The following TTC28 variants were observed in gnomAD, a reference collection of about 807,000 sequenced individuals.
TTC28 encodes tetratricopeptide repeat domain 28.
In TTC28, 61 loss-of-function variants were observed where a neutral mutation model predicts 198.0. The observed-to-expected ratio is 0.31, with a 90% CI of 0.25 to 0.38. TTC28 has a LOEUF of 0.38. Among genes scored for constraint, TTC28 ranks in the 10% least tolerant of loss-of-function variants. The pLI, the probability that TTC28 is intolerant of heterozygous loss-of-function variation, is 1.00. For missense variants in TTC28, 2,678 were observed against 3,164.0 expected (o/e 0.85, Z 3.69); for synonymous variants, 1,171 against 1,297.8 (o/e 0.90, Z 2.10).
chr22:28,419,533 C>T (rs1231578081), intron 2 of TTC28, among the ~76,000 whole-genome samples: 1 of 152,146 alleles, frequency 6.6e-6, no homozygotes, highest in African/African-American at 2.4e-5. Flanking sequence ...CAAAAGAGAA[C>T]TTTAGTATTT....
At chr22:28,403,443 G>A (rs935068131) in intron 2 of TTC28, among the ~76,000 whole-genome samples, 73 of 152,252 alleles carry the variant, frequency 4.8e-4, no homozygotes, top group African/African-American at 1.6e-3. Context: ...ATGAACAATT[G>A]CCCTGCACCC....
chr22:28,047,092 C>T (rs1939897021), intron 12 of TTC28, among the ~76,000 whole-genome samples: 1 of 152,096 alleles, frequency 6.6e-6, no homozygotes, highest in Admixed American at 6.5e-5. Context: ...ACAGTGAGTC[C>T]CCATCCCAGC....
chr22:28,613,108 G>C (rs1157153893), intron 2 of TTC28, among the ~76,000 whole-genome samples: 1 of 152,044 alleles, frequency 6.6e-6, no homozygotes, highest in African/African-American at 2.4e-5. Context: ...AAGAAGAAAA[G>C]AGAGAAGAAT....
intron 13 of TTC28, among the ~76,000 whole-genome samples, chr22:28,027,913 A>G (rs917972639): frequency 3.3e-5 from 5 of 152,208 alleles, no homozygotes; most frequent in African/African-American, 1.2e-4. Flanking sequence ...ATGAGGCTGC[A>G]CTGAAAGTGC....
At chr22:28,627,121 G>C (rs1231712893) in intron 2 of TTC28, among the ~76,000 whole-genome samples, 1 of 151,636 alleles carries the variant, frequency 6.6e-6, no homozygotes, top group Admixed American at 6.6e-5. Context: ...GAGAGAGAGA[G>C]ACAGAGGCAG....
chr22:28,087,410 C>T (rs1482584943), intron 12 of TTC28, among the ~76,000 whole-genome samples: 2 of 152,098 alleles, frequency 1.3e-5, no homozygotes, highest in Non-Finnish European at 2.9e-5. Flanking sequence ...AAGACAAAAA[C>T]CACATGATTA....
intron 5 of TTC28, among the ~76,000 whole-genome samples, chr22:28,185,219 G>A (rs1924078702): frequency 6.6e-6 from 1 of 152,080 alleles, no homozygotes; most frequent in Non-Finnish European, 1.5e-5. Flanking sequence ...CATAAACACA[G>A]GCTGTTTCTG....
intron 2 of TTC28, among the ~76,000 whole-genome samples, chr22:28,592,112 G>C (rs1227589578): frequency 6.6e-6 from 1 of 152,030 alleles, no homozygotes. Context: ...AGTTGGGTGT[G>C]GTAGGACATG....
At chr22:28,104,500 T>C (rs1942241706) in intron 8 of TTC28, among the ~76,000 whole-genome samples, 1 of 152,202 alleles carries the variant, frequency 6.6e-6, no homozygotes. Flanking sequence ...TTTTCCCTTC[T>C]AGGGTGAGAG....
chr22:28,186,530 A>C (rs1335415271), intron 5 of TTC28, among the ~76,000 whole-genome samples: 1 of 152,190 alleles, frequency 6.6e-6, no homozygotes, highest in African/African-American at 2.4e-5. Flanking sequence ...CTGTGAGTTC[A>C]GAGGACCATT....
intron 2 of TTC28, among the ~76,000 whole-genome samples, chr22:28,509,191 C>CAAAAAAAAAAAAA (rs796909640): frequency 1.0e-5 from 1 of 96,676 alleles, no homozygotes. Flanking sequence ...ATTCTGCCTT[C>CAAAAAAAAAAAAA]AAAAAAAAAA....
chr22:28,451,049 C>T (rs1012106235), intron 2 of TTC28, among the ~76,000 whole-genome samples: 1 of 152,102 alleles, frequency 6.6e-6, no homozygotes, highest in African/African-American at 2.4e-5. Flanking sequence ...AGAATTGGAG[C>T]GGGCTACGCA....
intron 11 of TTC28, 55 bp from the exon 12 acceptor site, chr22:28,094,300 G>A: frequency 1.4e-6 from 2 of 1,456,786 alleles, no homozygotes; most frequent in South Asian, 2.9e-5. Context: ...AGAGAAAGGA[G>A]AAGTTGAAGG....
intron 6 of TTC28, among the ~76,000 whole-genome samples, chr22:28,113,882 T>C (rs1428770061): frequency 6.6e-6 from 1 of 152,242 alleles, no homozygotes; most frequent in Non-Finnish European, 1.5e-5. Context: ...TTGCACTGCA[T>C]ATATTCTTCT....
intron 1 of TTC28, among the ~76,000 whole-genome samples, chr22:28,637,754 T>G (rs571763994): frequency 1.4e-4 from 21 of 150,696 alleles, no homozygotes; most frequent in Non-Finnish European, 3.0e-4. Context: ...AATTTTTAAA[T>G]TAAAAAAAAA....
intron 2 of TTC28, among the ~76,000 whole-genome samples, chr22:28,538,493 GA>G (rs747684157): frequency 6.6e-6 from 1 of 151,570 alleles, no homozygotes; most frequent in Non-Finnish European, 1.5e-5. Flanking sequence ...CCAGATTGCT[GA>G]AAGTTGGGTG....
intron 2 of TTC28, among the ~76,000 whole-genome samples, chr22:28,561,072 CTTT>C (rs11296581): frequency 1.2e-4 from 7 of 58,724 alleles, no homozygotes; most frequent in East Asian, 4.4e-4. Context: ...CCTTCATTTT[CTTT>C]TTTTTTTTTT....
intron 2 of TTC28, among the ~76,000 whole-genome samples, chr22:28,611,969 T>C (rs944562400): frequency 2.0e-5 from 3 of 151,922 alleles, no homozygotes; most frequent in African/African-American, 7.3e-5. Context: ...AGGATCAAAT[T>C]CACACAAGAT....
At chr22:28,531,346 CAAG>C (rs1257639634) in intron 2 of TTC28, among the ~76,000 whole-genome samples, 1 of 152,174 alleles carries the variant, frequency 6.6e-6, no homozygotes, top group Non-Finnish European at 1.5e-5. Flanking sequence ...ATCAATTCAA[CAAG>C]AAGAGCTAAC....
Sources: allele counts gnomAD v4.1 joint callset (sites outside exome capture counted in the v4.1 genomes callset), GRCh38; gene constraint gnomAD v4.1.1; transcripts MANE v1.5; gene names NCBI Gene and HGNC (gene_info 2026-07-23, HGNC 2026-07-21).